The following IMMP2L variants were observed in gnomAD, a reference collection of about 807,000 sequenced individuals.
IMMP2L encodes the protein inner mitochondrial membrane peptidase subunit 2.
A neutral mutation model predicts 19.3 loss-of-function variants in IMMP2L; 18 were observed. The ratio of observed to expected loss-of-function variants is 0.93; its 90% CI spans 0.64 to 1.38. The LOEUF (loss-of-function observed/expected upper bound fraction) is 1.38, where lower values mean the gene tolerates loss of function less well. IMMP2L is among the 40% of genes most tolerant of loss of function. The probability of loss-of-function intolerance (pLI) is 0.00; values close to 1 mark genes in which losing one functional copy is unlikely to be tolerated. For synonymous variants in IMMP2L, 76 were observed against 73.0 expected (o/e 1.04, Z -0.21); for missense variants, 233 against 218.2 (o/e 1.07, Z -0.43).
chr7:111,143,198 T>A (rs1424594418), intron 3 of IMMP2L, among the ~76,000 whole-genome samples: 1 of 152,158 alleles, frequency 6.6e-6, no homozygotes, highest in Non-Finnish European at 1.5e-5. Flanking sequence ...AGCATGGATT[T>A]CAAAAAGAGG....
At chr7:111,429,259 A>C (rs1306768457) in intron 3 of IMMP2L, among the ~76,000 whole-genome samples, 1 of 151,982 alleles carries the variant, frequency 6.6e-6, no homozygotes. Context: ...GAAGGGGGTA[A>C]GCATGCCTAT....
rs562269299 is a variant in IMMP2L, at chr7:111,266,960, T to C, written c.239+220278A>G. Among the ~76,000 whole-genome samples the C allele has an allele frequency of 5.9e-5, 9 of 152,256 alleles. No individual in the cohort carries two copies. In the East Asian group the frequency reaches 1.7e-3, roughly 29 times the overall value. ...AAGCAAAGTCAAGGCCCGGGTGTCTTTGATCAATTTCTCTACCCTAGCTTT... is the reference window on the plus strand; with the variant it reads ...AAGCAAAGTCAAGGCCCGGGTGTCTCTGATCAATTTCTCTACCCTAGCTTT... On this transcript the variant is annotated intron_variant, in intron 3 of 5. Transcript: ENST00000405709.
chr7:111,094,030 T>C (rs1048859419), intron 3 of IMMP2L, among the ~76,000 whole-genome samples: 11 of 152,264 alleles, frequency 7.2e-5, no homozygotes, highest in African/African-American at 2.6e-4. Context: ...ACAAAAAAGG[T>C]GATCAACTTA....
intron 1 of IMMP2L, among the ~76,000 whole-genome samples, chr7:111,526,491 G>T (rs1846872386): frequency 6.6e-6 from 1 of 152,082 alleles, no homozygotes; most frequent in Non-Finnish European, 1.5e-5. Flanking sequence ...CAGAAAGATG[G>T]TATCTGCCCT....
intron 3 of IMMP2L, among the ~76,000 whole-genome samples, chr7:111,299,164 G>A (rs1821943622): frequency 6.6e-6 from 1 of 151,942 alleles, no homozygotes; most frequent in African/African-American, 2.4e-5. Flanking sequence ...ACCAAGACAG[G>A]GTACAGTTAA....
chr7:110,968,800 C>T (rs1819833985), intron 3 of IMMP2L, among the ~76,000 whole-genome samples: 1 of 152,122 alleles, frequency 6.6e-6, no homozygotes, highest in Non-Finnish European at 1.5e-5. Context: ...CCTAGAGCAT[C>T]ATGTAACTAG....
chr7:111,125,510 T>TAATG, intron 3 of IMMP2L: 1 of 165,984 alleles, frequency 6.0e-6, no homozygotes, highest in Non-Finnish European at 1.5e-5. Flanking sequence ...TGTTTTTCTA[T>TAATG]AATGAAATTT....
intron 5 of IMMP2L, among the ~76,000 whole-genome samples, chr7:110,818,695 G>T (rs1217760779): frequency 6.6e-6 from 1 of 151,968 alleles, no homozygotes; most frequent in Non-Finnish European, 1.5e-5. Context: ...CAATAGCAAA[G>T]ACTTGGAACC....
chr7:110,686,797 C>T (rs780719011), intron 5 of IMMP2L, among the ~76,000 whole-genome samples: 3 of 152,048 alleles, frequency 2.0e-5, no homozygotes, highest in Non-Finnish European at 4.4e-5. Flanking sequence ...CAATACAAAA[C>T]TCTCCAATTT....
intron 5 of IMMP2L, among the ~76,000 whole-genome samples, chr7:110,704,978 C>A (rs1794549843): frequency 6.6e-6 from 1 of 152,108 alleles, no homozygotes; most frequent in East Asian, 1.9e-4. Context: ...AAAGTCAATT[C>A]ATATTATATA....
intron 5 of IMMP2L, among the ~76,000 whole-genome samples, chr7:110,831,318 T>A (rs1803951235): frequency 6.6e-6 from 1 of 152,142 alleles, no homozygotes; most frequent in Non-Finnish European, 1.5e-5. Context: ...GTGATTACAT[T>A]AAATATTGCC....
At chr7:110,907,780 T>A (rs1046776835) in intron 4 of IMMP2L, among the ~76,000 whole-genome samples, 1 of 152,184 alleles carries the variant, frequency 6.6e-6, no homozygotes, top group Admixed American at 6.5e-5. Flanking sequence ...TCATAAGCAA[T>A]TTAAATGTTT....
At chr7:110,817,805 G>T (rs996809534) in intron 5 of IMMP2L, among the ~76,000 whole-genome samples, 3 of 151,970 alleles carry the variant, frequency 2.0e-5, no homozygotes, top group African/African-American at 7.2e-5. Flanking sequence ...CAGAAATAAC[G>T]CCGCATATCT....
At chr7:111,106,091 A>G (rs1214861764) in intron 3 of IMMP2L, among the ~76,000 whole-genome samples, 3 of 152,024 alleles carry the variant, frequency 2.0e-5, no homozygotes, top group Non-Finnish European at 2.9e-5. Context: ...CCAAGGATAC[A>G]GCAGAGGACC....
At chr7:110,813,722 C>G (rs1463372245) in intron 5 of IMMP2L, among the ~76,000 whole-genome samples, 1 of 146,592 alleles carries the variant, frequency 6.8e-6, no homozygotes, top group Non-Finnish European at 1.5e-5. Context: ...AGAGACAGAT[C>G]AGAAATTCTA....
At chr7:111,070,248 G>T (rs1794840494) in intron 3 of IMMP2L, among the ~76,000 whole-genome samples, 1 of 152,162 alleles carries the variant, frequency 6.6e-6, no homozygotes, top group Admixed American at 6.6e-5. Context: ...ACAAAGGGTT[G>T]CAGGCTTCAC....
intron 5 of IMMP2L, among the ~76,000 whole-genome samples, chr7:110,866,621 TA>T (rs1344276972): frequency 1.3e-5 from 2 of 152,118 alleles, no homozygotes; most frequent in Non-Finnish European, 2.9e-5. Flanking sequence ...GACAATTTGT[TA>T]ATCTTAAAAA....
intron 5 of IMMP2L, among the ~76,000 whole-genome samples, chr7:110,806,120 G>A (rs1801614447): frequency 6.6e-6 from 1 of 152,000 alleles, no homozygotes; most frequent in African/African-American, 2.4e-5. Context: ...AACCTGGTGA[G>A]TAATAAGATG....
At chr7:110,796,191 T>C (rs2131180903) in intron 5 of IMMP2L, among the ~76,000 whole-genome samples, 1 of 151,988 alleles carries the variant, frequency 6.6e-6, no homozygotes, top group Non-Finnish European at 1.5e-5. Flanking sequence ...AAACTATGAG[T>C]CAATTACACC....
Sources: allele counts gnomAD v4.1 joint callset (sites outside exome capture counted in the v4.1 genomes callset), GRCh38; gene constraint gnomAD v4.1.1; transcripts MANE v1.5; gene names NCBI Gene and HGNC (gene_info 2026-07-23, HGNC 2026-07-21).